KALRN: variants seen among roughly 807,000 people sequenced by gnomAD.
KALRN encodes the protein kalirin.
A neutral mutation model predicts 353.7 loss-of-function variants in KALRN; 70 were observed. That is an observed-to-expected ratio of 0.20 (90% CI 0.16 to 0.24). The LOEUF (loss-of-function observed/expected upper bound fraction) is 0.24. KALRN is among the 10% of genes least tolerant of loss of function. The probability of loss-of-function intolerance (pLI) is 1.00; values close to 1 mark genes in which losing one functional copy is unlikely to be tolerated. For synonymous variants in KALRN, 1,391 were observed against 1,434.8 expected, an observed-to-expected ratio of 0.97 and a Z score of 0.69; for missense variants, 2,791 against 3,756.7, an observed-to-expected ratio of 0.74 and a Z score of 6.72.
intron 9 of KALRN, among the ~76,000 whole-genome samples, chr3:124,336,424 T>A (rs138251724): frequency 4.6e-5 from 7 of 152,282 alleles, no homozygotes; most frequent in African/African-American, 1.4e-4. Flanking sequence ...GAGGCGTTGC[T>A]ATTTCAGTGA....
intron 3 of KALRN, among the ~76,000 whole-genome samples, chr3:124,250,252 G>C (rs890322426): frequency 6.6e-6 from 1 of 152,228 alleles, no homozygotes; most frequent in African/African-American, 2.4e-5. Context: ...GAAACATGTG[G>C]TTTATTAATG....
In KALRN at chr3:124,318,245, C is replaced by T. The variant is rs914502557; in HGVS notation, c.1093-7735C>T. Among the ~76,000 whole-genome samples, 27 of 152,300 alleles carry T rather than the reference C, an allele frequency of 1.8e-4. No homozygotes were observed. The South Asian group carries it at 4.6e-3, about 26-fold the overall frequency. On this transcript the variant is annotated intron_variant, in intron 6 of 59. Coordinates refer to ENST00000682506, the MANE Select transcript of KALRN (RefSeq NM_001388419.1). Reference sequence around the variant, plus strand: ...TCTCCATCCGGCAGTGACAGATGGCCTCCACATGGTTTGGCCTACTGTTTG... The same window carrying T: ...TCTCCATCCGGCAGTGACAGATGGCTTCCACATGGTTTGGCCTACTGTTTG...
At position 124,718,410 on chromosome 3, in the gene KALRN, C is replaced by T. The variant is rs142017191; in HGVS notation, c.8416-515C>T. On this transcript the variant is annotated intron_variant, in intron 59 of 59. Coordinates refer to ENST00000682506, the MANE Select transcript of KALRN (RefSeq NM_001388419.1). Reference sequence around the variant, plus strand: ...TGCTGGGATTATAGGTGTGAGCCACCGTGCCCGGCCTCCCCATTATGACTA... The same window carrying T: ...TGCTGGGATTATAGGTGTGAGCCACTGTGCCCGGCCTCCCCATTATGACTA... Among the ~76,000 whole-genome samples, 330 of 152,240 alleles carry T rather than the reference C, an allele frequency of 2.2e-3. 1 individual carries two copies. Among genetic ancestry groups the T allele is most frequent in the African/African-American group, 7.6e-3 (315 of 41,528 alleles).
At chr3:124,440,547 C>T (rs967642904) in intron 18 of KALRN, among the ~76,000 whole-genome samples, 1 of 151,794 alleles carries the variant, frequency 6.6e-6, no homozygotes, top group Middle Eastern at 3.2e-3. Flanking sequence ...CCAGATATTC[C>T]AGATGCCTTT....
chr3:124,665,307 G>A (rs1219865477), intron 45 of KALRN, among the ~76,000 whole-genome samples: 1 of 152,206 alleles, frequency 6.6e-6, no homozygotes, highest in Non-Finnish European at 1.5e-5. Context: ...GACTTTCTGG[G>A]TTGGGCCATA....
intron 1 of KALRN, among the ~76,000 whole-genome samples, chr3:124,150,534 C>A (rs1438472608): frequency 6.6e-6 from 1 of 152,134 alleles, no homozygotes; most frequent in Non-Finnish European, 1.5e-5. Context: ...ATCCCTCCTC[C>A]CCACCCCACA....
intron 34 of KALRN, among the ~76,000 whole-genome samples, chr3:124,628,742 ATTT>A (rs58523719): frequency 7.0e-5 from 7 of 100,144 alleles, no homozygotes; most frequent in African/African-American, 3.3e-4. Flanking sequence ...CACCTGGCTA[ATTT>A]TTTTTTTTTT....
chr3:124,532,208 A>G (rs907281457), intron 33 of KALRN, among the ~76,000 whole-genome samples: 6 of 152,250 alleles, frequency 3.9e-5, no homozygotes, highest in African/African-American at 1.2e-4. Flanking sequence ...CATGTTTTAC[A>G]TAAGTGTAAG....
chr3:124,543,272 C>A (rs2069239756), intron 33 of KALRN, among the ~76,000 whole-genome samples: 1 of 151,842 alleles, frequency 6.6e-6, no homozygotes, highest in African/African-American at 2.4e-5. Context: ...CCACCAATCC[C>A]TGAAGGGTGA....
intron 33 of KALRN, among the ~76,000 whole-genome samples, chr3:124,502,339 T>C (rs1035850037): frequency 1.4e-4 from 21 of 152,106 alleles, no homozygotes; most frequent in African/African-American, 4.8e-4. Flanking sequence ...GCAGTAGGAA[T>C]TGCATGGAGT....
At chr3:124,612,543 G>A (rs948666375) in intron 34 of KALRN, among the ~76,000 whole-genome samples, 6 of 152,114 alleles carry the variant, frequency 3.9e-5, no homozygotes, top group African/African-American at 1.4e-4. Context: ...CACCATGTTG[G>A]CCAGGCTGGT....
intron 1 of KALRN, among the ~76,000 whole-genome samples, chr3:124,068,463 G>A (rs2042565089): frequency 6.6e-6 from 1 of 152,186 alleles, no homozygotes; most frequent in Non-Finnish European, 1.5e-5. Flanking sequence ...CAAGTTCCTG[G>A]GAGGATTCTT....
chr3:124,124,821 TG>T (rs1479663850), intron 1 of KALRN, among the ~76,000 whole-genome samples: 16 of 152,354 alleles, frequency 1.1e-4, no homozygotes, highest in African/African-American at 3.6e-4. Flanking sequence ...ATATGTACAT[TG>T]TTTTTTAGAC....
In KALRN at chr3:124,326,057, A is replaced by G; in HGVS notation, c.1170A>G (p.Gln390=). Residue 390 remains glutamine, a synonymous_variant, in exon 7 of 60, where the codon CAA becomes CAG. Transcript: ENST00000682506. ...LSEAGHYASQ[Q]IKQISTQLDQ... ...AGGCCGGTCATTATGCCTCACAACA[A>G]ATCAAGCAGATCTCCACCCAGCTGG... The G allele has an allele frequency of 2.5e-6, 4 of 1,613,644 alleles. No homozygotes were observed. Among genetic ancestry groups the G allele is most frequent in the Non-Finnish European group, 8.5e-7 (1 of 1,179,808 alleles).
intron 37 of KALRN, among the ~76,000 whole-genome samples, chr3:124,650,339 A>G (rs1447815818): frequency 2.6e-5 from 4 of 152,222 alleles, no homozygotes; most frequent in Admixed American, 6.5e-5. Flanking sequence ...GAAAACTGAG[A>G]AAAACTGAAG....
In KALRN at chr3:124,722,424, G is replaced by A. The variant is rs1196325937; in HGVS notation, c.*2954G>A. On this transcript the variant is annotated 3_prime_UTR_variant, in exon 60 of 60. Transcript: ENST00000682506. Reference sequence around the variant, plus strand: ...CAAGGTACAATCATTAGACTAGAATGAACTTAATAGAGGCCCCAAGAGAAA... The same window carrying A: ...CAAGGTACAATCATTAGACTAGAATAAACTTAATAGAGGCCCCAAGAGAAA... 1 of 152,082 alleles carries A rather than the reference G, an allele frequency of 6.6e-6. No homozygotes were observed. Among genetic ancestry groups the A allele is most frequent in the African/African-American group, 2.4e-5 (1 of 41,402 alleles). The allele number at this position is 152,082 out of a possible 1,614,324, so 9.4% of individuals were successfully genotyped here. A position where few individuals can be genotyped will look rare whatever the true frequency, so the allele number is the denominator to read the frequency against.
Position 124,719,090 on chromosome 3 carries a change from A to T in KALRN, c.8581A>T (p.Thr2861Ser). ...VIQGIPVSLG[T>S]DIWSIGVLTY... Reference sequence around the variant, plus strand: ...TCAAGGCATCCCCGTCTCCCTGGGGACAGACATCTGGAGCATCGGGGTTCT... The same window carrying T: ...TCAAGGCATCCCCGTCTCCCTGGGGTCAGACATCTGGAGCATCGGGGTTCT... Residue 2861 changes from threonine to serine, a missense_variant, in exon 60 of 60, where the codon ACA becomes TCA. This residue lies in a region of KALRN where 188 missense variants were observed against 402.9 expected (regional missense o/e 0.47). Transcript: ENST00000682506. This position sits in a 1 kb window ranked among gnomAD's most constrained non-coding sequence, Gnocchi z 5.3. 2 of 1,614,210 alleles carry T rather than the reference A, an allele frequency of 1.2e-6. No individual in the cohort carries two copies. Among genetic ancestry groups the T allele is most frequent in the Non-Finnish European group, 1.7e-6 (2 of 1,180,032 alleles).
intron 4 of KALRN, among the ~76,000 whole-genome samples, chr3:124,267,283 T>C (rs1196776941): frequency 6.6e-6 from 1 of 152,196 alleles, no homozygotes. Flanking sequence ...TACTTTGGAA[T>C]AGGGTTTCTC....
chr3:124,634,678 T>A (rs2081161268), intron 36 of KALRN, among the ~76,000 whole-genome samples: 1 of 152,176 alleles, frequency 6.6e-6, no homozygotes, highest in Non-Finnish European at 1.5e-5. Context: ...CTCAGTCTCC[T>A]TGCAGCTCTG....
Sources: allele counts gnomAD v4.1 joint callset (sites outside exome capture counted in the v4.1 genomes callset), GRCh38; gene constraint gnomAD v4.1.1; regional missense constraint gnomAD v4.1.1; non-coding constraint Gnocchi (gnomAD v3.1); transcripts MANE v1.5; gene names NCBI Gene and HGNC (gene_info 2026-07-23, HGNC 2026-07-21).